The following EYS variants were observed in gnomAD, a reference collection of about 807,000 sequenced individuals.
EYS encodes EGF-like photoreceptor maintenance factor.
EYS carries 250 observed loss-of-function variants against 282.1 expected under a neutral mutation model. That is an observed-to-expected ratio of 0.89 (90% CI 0.80 to 0.98). The LOEUF (loss-of-function observed/expected upper bound fraction) is 0.98, where lower values mean the gene tolerates loss of function less well. Ranked by LOEUF, EYS falls within the 50% of genes least tolerant of loss-of-function variation. The pLI is 0.00. For missense variants in EYS, 4,016 were observed against 3,709.0 expected (o/e 1.08, Z -2.15); for synonymous variants, 1,355 against 1,282.9 (o/e 1.06, Z -1.20).
chr6:64,075,581 C>T (rs1337326949), intron 32 of EYS, among the ~76,000 whole-genome samples: 1 of 151,872 alleles, frequency 6.6e-6, no homozygotes, highest in Non-Finnish European at 1.5e-5. Context: ...CCTACTCTCC[C>T]ATTTTTGATG....
intron 24 of EYS, among the ~76,000 whole-genome samples, chr6:64,611,178 A>G (rs1767104229): frequency 6.6e-6 from 1 of 152,152 alleles, no homozygotes; most frequent in African/African-American, 2.4e-5. Flanking sequence ...TGTTTGTGGT[A>G]AAACTTGTCC....
At chr6:64,405,865 G>A (rs1773690318) in intron 28 of EYS, among the ~76,000 whole-genome samples, 1 of 152,136 alleles carries the variant, frequency 6.6e-6, no homozygotes, top group Non-Finnish European at 1.5e-5. Context: ...CTCAGGAATA[G>A]GAAGAAGCAA....
At chr6:65,594,982 G>A (rs1370130397) in intron 2 of EYS, among the ~76,000 whole-genome samples, 1 of 151,934 alleles carries the variant, frequency 6.6e-6, no homozygotes, top group Non-Finnish European at 1.5e-5. Flanking sequence ...GTAGATGTGT[G>A]GTATTATTTC....
intron 35 of EYS, among the ~76,000 whole-genome samples, chr6:63,893,998 G>T (rs1773471469): frequency 6.6e-6 from 1 of 152,150 alleles, no homozygotes; most frequent in Non-Finnish European, 1.5e-5. Context: ...ACTTCTGAGA[G>T]ACCTGACTGT....
intron 28 of EYS, among the ~76,000 whole-genome samples, chr6:64,413,935 C>G (rs534409377): frequency 6.6e-6 from 1 of 152,114 alleles, no homozygotes; most frequent in Admixed American, 6.6e-5. Context: ...TGAGAGAGAC[C>G]ATTCACCTTC....
chr6:63,910,276 A>C (rs991913515), intron 35 of EYS, among the ~76,000 whole-genome samples: 7 of 152,166 alleles, frequency 4.6e-5, no homozygotes, highest in Non-Finnish European at 1.0e-4. Flanking sequence ...ACTAAATGTC[A>C]GTGGTGGTGT....
intron 2 of EYS, among the ~76,000 whole-genome samples, chr6:65,507,807 T>G (rs1478660238): frequency 6.6e-6 from 1 of 152,094 alleles, no homozygotes; most frequent in Non-Finnish European, 1.5e-5. Flanking sequence ...AGAGTCTCCA[T>G]CTCCCTGTTT....
chr6:65,660,046 AG>A (rs1767952175), intron 1 of EYS, among the ~76,000 whole-genome samples: 1 of 151,592 alleles, frequency 6.6e-6, no homozygotes, highest in East Asian at 1.9e-4. Context: ...TATAAATGAC[AG>A]GGTATAGTGC....
At chr6:64,207,310 C>A (rs1477790732) in intron 31 of EYS, among the ~76,000 whole-genome samples, 3 of 151,952 alleles carry the variant, frequency 2.0e-5, no homozygotes, top group Non-Finnish European at 2.9e-5. Flanking sequence ...TAACGTAACA[C>A]AAAGGCCCTC....
intron 41 of EYS, among the ~76,000 whole-genome samples, chr6:63,755,872 G>A (rs1365478264): frequency 6.6e-6 from 1 of 152,058 alleles, no homozygotes; most frequent in South Asian, 2.1e-4. Context: ...TGTATTCCTA[G>A]GTATTTTATT....
chr6:63,981,867 C>A (rs571358194), intron 35 of EYS, among the ~76,000 whole-genome samples: 1 of 151,934 alleles, frequency 6.6e-6, no homozygotes, highest in East Asian at 1.9e-4. Context: ...GAATATACAT[C>A]TTTGATTTAC....
At chr6:65,469,727 A>G (rs574375468) in intron 5 of EYS, among the ~76,000 whole-genome samples, 11 of 152,144 alleles carry the variant, frequency 7.2e-5, no homozygotes, top group African/African-American at 2.6e-4. Flanking sequence ...TTAAGTCACA[A>G]AAAGCCAGAG....
intron 5 of EYS, among the ~76,000 whole-genome samples, chr6:65,471,520 G>C (rs1180422313): frequency 6.6e-6 from 1 of 152,096 alleles, no homozygotes; most frequent in Admixed American, 6.5e-5. Flanking sequence ...TTCAGATCTT[G>C]GACAACTTGC....
intron 5 of EYS, among the ~76,000 whole-genome samples, chr6:65,451,565 A>G (rs889039754): frequency 1.3e-5 from 2 of 152,080 alleles, no homozygotes; most frequent in African/African-American, 4.8e-5. Flanking sequence ...TTAGGGATAC[A>G]TAGTACTTTA....
intron 22 of EYS, among the ~76,000 whole-genome samples, chr6:64,761,605 T>C (rs1773160843): frequency 6.6e-6 from 1 of 152,126 alleles, no homozygotes; most frequent in Admixed American, 6.5e-5. Flanking sequence ...TACTGGCGCA[T>C]GCCACCATGC....
At chr6:63,827,769 G>A (rs374380081) in intron 36 of EYS, among the ~76,000 whole-genome samples, 17 of 150,354 alleles carry the variant, frequency 1.1e-4, no homozygotes, top group East Asian at 9.8e-4. Context: ...GCGTGAACCC[G>A]GGAAGCGGAG....
chr6:63,781,021 CTTG>C (rs1770208860), intron 39 of EYS, among the ~76,000 whole-genome samples: 1 of 152,162 alleles, frequency 6.6e-6, no homozygotes, highest in Non-Finnish European at 1.5e-5. Context: ...TTCCCAATTT[CTTG>C]TTTTTATCAG....
intron 28 of EYS, among the ~76,000 whole-genome samples, chr6:64,435,504 C>A (rs1200328657): frequency 6.7e-6 from 1 of 148,480 alleles, no homozygotes; most frequent in Non-Finnish European, 1.5e-5. Context: ...TAATCTATTG[C>A]CAGAAAATAA....
chr6:64,858,980 A>G (rs1766153075), intron 19 of EYS, among the ~76,000 whole-genome samples: 1 of 152,080 alleles, frequency 6.6e-6, no homozygotes, highest in African/African-American at 2.4e-5. Flanking sequence ...AGATGTAGCC[A>G]GAGCAATTAG....
Sources: allele counts gnomAD v4.1 joint callset (sites outside exome capture counted in the v4.1 genomes callset), GRCh38; gene constraint gnomAD v4.1.1; transcripts MANE v1.5; gene names NCBI Gene and HGNC (gene_info 2026-07-23, HGNC 2026-07-21).